The following PCLO variants were observed in gnomAD, a reference collection of about 807,000 sequenced individuals.
The protein encoded by PCLO is protein piccolo.
A neutral mutation model predicts 427.5 loss-of-function variants in PCLO; 82 were observed. That is an observed-to-expected ratio of 0.19 (90% CI 0.16 to 0.23). PCLO has a LOEUF of 0.23. PCLO is among the 10% of genes least tolerant of loss of function. PCLO has a pLI of 1.00. For synonymous variants in PCLO, 2,357 were observed against 2,155.4 expected (o/e 1.09, Z -2.59); for missense variants, 6,239 against 6,115.9 (o/e 1.02, Z -0.67).
At chr7:83,024,010 A>C (rs1425078945) in intron 3 of PCLO, among the ~76,000 whole-genome samples, 1 of 152,184 alleles carries the variant, frequency 6.6e-6, no homozygotes, top group Non-Finnish European at 1.5e-5. Flanking sequence ...TCACTCAGTG[A>C]TCATTTATTG....
At chr7:82,919,399 A>G (rs1269389601) in intron 6 of PCLO, among the ~76,000 whole-genome samples, 1 of 151,982 alleles carries the variant, frequency 6.6e-6, no homozygotes, top group East Asian at 1.9e-4. Context: ...CCATCTGTCA[A>G]GGCTGGCTCC....
At chr7:83,071,484 C>T (rs981365769) in intron 3 of PCLO, among the ~76,000 whole-genome samples, 1 of 152,270 alleles carries the variant, frequency 6.6e-6, no homozygotes, top group African/African-American at 2.4e-5. Flanking sequence ...CTAAGTGGCT[C>T]ACTCTTCAAG....
intron 3 of PCLO, among the ~76,000 whole-genome samples, chr7:83,107,986 TA>T (rs58192300): frequency 0.056 from 5,302 of 94,590 alleles, 59 homozygotes; most frequent in African/African-American, 0.082. Context: ...AGACTCCGTC[TA>T]AAAAAAAAAA....
intron 10 of PCLO, among the ~76,000 whole-genome samples, chr7:82,854,641 T>C (rs1352629176): frequency 6.6e-6 from 1 of 152,182 alleles, no homozygotes; most frequent in East Asian, 1.9e-4. Context: ...TGCAAACTTA[T>C]ATGCTATGAT....
chr7:82,998,710 C>A (rs537847741), intron 3 of PCLO, among the ~76,000 whole-genome samples: 1 of 152,016 alleles, frequency 6.6e-6, no homozygotes, highest in Admixed American at 6.6e-5. Flanking sequence ...CACCACATTA[C>A]TAAAGGCCTA....
intron 3 of PCLO, among the ~76,000 whole-genome samples, chr7:83,077,138 C>G (rs1789975949): frequency 6.6e-6 from 1 of 152,018 alleles, no homozygotes; most frequent in African/African-American, 2.4e-5. Context: ...ATAGGAAGCC[C>G]TTTTCATAGA....
chr7:82,832,089 T>G (rs1163137499), intron 16 of PCLO, among the ~76,000 whole-genome samples: 1 of 152,136 alleles, frequency 6.6e-6, no homozygotes, highest in Non-Finnish European at 1.5e-5. Flanking sequence ...TGTGGGAAGA[T>G]TACATTAATG....
rs1294326210 is a variant in PCLO at position 82,847,146 on chromosome 7, C to A, written c.13756G>T (p.Val4586Leu). 4 of 1,555,782 alleles carry A rather than the reference C, an allele frequency of 2.6e-6. No homozygotes were observed. Among genetic ancestry groups the A allele is most frequent in the Non-Finnish European group, 3.5e-6 (4 of 1,129,880 alleles). ...SQQSGEAEIC[V>L]RLDLNMLSDS... ...AGATGGGGAAAAACTCACAGTCTTA[C>A]ACATATTTCTGCTTCCCCACTTTGC... Residue 4586 changes from valine to leucine, a missense_variant, in exon 11 of 25, where the codon GTA becomes TTA. Coordinates refer to ENST00000333891, the MANE Select transcript of PCLO (RefSeq NM_033026.6).
At chr7:82,849,862 A>T (rs1792603834) in intron 10 of PCLO, among the ~76,000 whole-genome samples, 1 of 152,100 alleles carries the variant, frequency 6.6e-6, no homozygotes, top group African/African-American at 2.4e-5. Flanking sequence ...AATATTACCC[A>T]TGTGAATTAT....
intron 18 of PCLO, among the ~76,000 whole-genome samples, chr7:82,825,965 A>T (rs1002394206): frequency 6.7e-6 from 1 of 149,058 alleles, no homozygotes; most frequent in African/African-American, 2.4e-5. Flanking sequence ...TATATAATAG[A>T]TTAAAAATCA....
Position 82,952,293 on chromosome 7 carries a change from GT to G in PCLO, c.8659del (p.Thr2887ProfsTer11), listed in dbSNP as rs1310609348. 6.2e-7 allele frequency: 1 copy of G among 1,613,956 alleles called. No homozygotes were observed. The highest frequency in any genetic ancestry group is 1.1e-5 in the South Asian group (1 of 91,078). On this transcript the variant is annotated frameshift_variant, in exon 5 of 25. Coordinates refer to ENST00000333891, the MANE Select transcript of PCLO (RefSeq NM_033026.6). LOFTEE classifies it high-confidence loss of function. ...CCCATCAGTGATTCCCTGGGATACG[GT>G]GCTATCAGTCCATCCATTTGTGACA... is the stretch of plus-strand genomic sequence containing the variant. The part of the protein sequence containing the change: ...VGVTNGWTDS[T>X]VSQGITDGEV...
chr7:83,104,935 A>C (rs2116499861), intron 3 of PCLO, among the ~76,000 whole-genome samples: 1 of 145,688 alleles, frequency 6.9e-6, no homozygotes, highest in African/African-American at 2.6e-5. Flanking sequence ...ATAAAGAATG[A>C]GCAAATAAAT....
In PCLO at chr7:82,820,894, C is replaced by G. The variant is rs1299405237; in HGVS notation, c.14791+1601G>C. 3.3e-6 allele frequency: 4 copies of G among 1,230,424 alleles called. No individual in the cohort carries two copies. The African/African-American group carries it at 6.2e-5, about 19-fold the overall frequency. 76.2% of individuals were successfully genotyped at this position (1,230,424 alleles called of 1,614,324 possible). On this transcript the variant is annotated intron_variant, in intron 20 of 24. Coordinates refer to ENST00000333891, the MANE Select transcript of PCLO (RefSeq NM_033026.6). ...TTCCCAACAAAAGTCAAAAGATGCCCAGTGCATAGAAAAATACAAATCACT... is the reference window on the plus strand; with the variant it reads ...TTCCCAACAAAAGTCAAAAGATGCCGAGTGCATAGAAAAATACAAATCACT...
Position 82,801,594 on chromosome 7 carries a change from GT to G in PCLO, c.14934-4del. 3 of 1,548,474 alleles carry G rather than the reference GT, an allele frequency of 1.9e-6. No homozygotes were observed. The highest frequency in any genetic ancestry group is 2.7e-6 in the Non-Finnish European group (3 of 1,121,880). Reference sequence around the variant, plus strand: ...GTCCATTCTGTCCCATCTTCCCTCTGTTTAGAAATAAAATAAAATGATATAT... The same window carrying G: ...GTCCATTCTGTCCCATCTTCCCTCTGTTAGAAATAAAATAAAATGATATAT... On this transcript the variant is annotated splice_polypyrimidine_tract_variant and splice_region_variant and intron_variant, in intron 21 of 24. Transcript: ENST00000333891.
rs544371610 is a variant in PCLO at position 82,950,682 on chromosome 7, C to T, written c.9906G>A (p.Gln3302=). 1.1e-5 allele frequency: 17 copies of T among 1,613,700 alleles called. No individual in the cohort carries two copies. The highest frequency in any genetic ancestry group is 1.6e-4 in the Middle Eastern group (1 of 6,084). The change falls in exon 6 of 25, where the codon CAG becomes CAA. Residue 3302 remains glutamine (Q), a synonymous_variant. Transcript: ENST00000333891. ...QLEQIQQLQQ[Q]LHQQLEEQKI... ...TTTGCTCCTCCAGCTGCTGGTGAAG[C>T]TGTTGTTGCAGCTGTTGGATCTGCT...
chr7:83,110,638 A>G (rs955266878), intron 3 of PCLO, among the ~76,000 whole-genome samples: 2 of 152,162 alleles, frequency 1.3e-5, no homozygotes, highest in African/African-American at 2.4e-5. Context: ...TGTCCCTGAA[A>G]TATCTTCTGA....
At chr7:82,951,615 T>G (rs1795350822) in intron 5 of PCLO, 125 bp from the exon 6 acceptor site, 7 of 843,948 alleles carry the variant, frequency 8.3e-6, no homozygotes, top group Non-Finnish European at 1.3e-5. Flanking sequence ...GGTAACCTAA[T>G]TATATGCGGA....
At chr7:82,995,875 T>C (rs1557958) in intron 3 of PCLO, among the ~76,000 whole-genome samples, 89,608 of 151,706 alleles carry the variant, frequency 0.59, 27,268 homozygotes, top group East Asian at 0.85. Context: ...ATGTTTTGTT[T>C]GACATATAAG....
At position 82,767,981 on chromosome 7, in the gene PCLO, AGGAG is replaced by A. The variant is rs369220105; in HGVS notation, c.15008-6492_15008-6489del. ...AAGAAAGAAGGAAAGAAAAGCAAAA[AGGAG>A]GGAGGGAGGGAAGGGAGAAAGAGAC... On this transcript the variant is annotated intron_variant, in intron 22 of 24. Transcript: ENST00000333891. 4.5e-3 allele frequency among the ~76,000 whole-genome samples: 689 copies of A among 151,430 alleles called. 2 individuals are homozygous for A. Among genetic ancestry groups the A allele is most frequent in the African/African-American group, 0.016 (657 of 41,296 alleles).
Sources: allele counts gnomAD v4.1 joint callset (sites outside exome capture counted in the v4.1 genomes callset), GRCh38; gene constraint gnomAD v4.1.1; transcripts MANE v1.5; gene names NCBI Gene and HGNC (gene_info 2026-07-23, HGNC 2026-07-21).